PCDH11X: variants seen among roughly 807,000 people sequenced by gnomAD.
PCDH11X encodes the protein protocadherin-11 X-linked.
PCDH11X carries 18 observed loss-of-function variants against 53.3 expected under a neutral mutation model. The ratio of observed to expected loss-of-function variants is 0.34; its 90% CI spans 0.23 to 0.50. The LOEUF (loss-of-function observed/expected upper bound fraction) is 0.50. Among genes scored for constraint, PCDH11X ranks in the 20% least tolerant of loss-of-function variants. PCDH11X has a pLI of 0.98. For synonymous variants in PCDH11X, 279 were observed against 393.3 expected (o/e 0.71, Z 3.44); for missense variants, 570 against 1,032.4 (o/e 0.55, Z 6.14).
At chrX:92,159,140 CTT>C (rs1394016773) in intron 6 of PCDH11X, among the ~76,000 whole-genome samples, 4 of 110,819 alleles carry the variant, frequency 3.6e-5, no homozygotes, top group African/African-American at 1.3e-4. Context: ...AGTAAAGAAA[CTT>C]TAGCAGGAAT....
chrX:92,181,039 C>G (rs1284267219), intron 6 of PCDH11X, among the ~76,000 whole-genome samples: 1 of 110,912 alleles, frequency 9.0e-6, no homozygotes, highest in Non-Finnish European at 1.9e-5. Flanking sequence ...TTGGAGGGCT[C>G]AGAAGAAGAC....
intron 1 of PCDH11X, among the ~76,000 whole-genome samples, chrX:91,791,857 ATTTTTTTTTTTTT>A (rs755996100): frequency 1.2e-5 from 1 of 83,182 alleles, no homozygotes; most frequent in Non-Finnish European, 2.2e-5. Flanking sequence ...CGATCAGTAC[ATTTTTTTTTTTTT>A]TTTTTTTTTG....
intron 10 of PCDH11X, among the ~76,000 whole-genome samples, chrX:92,505,405 A>G (rs5942265): frequency 0.35 from 37,736 of 108,517 alleles, 5,425 homozygotes; most frequent in Non-Finnish European, 0.44. Flanking sequence ...TCCTGTTTCA[A>G]TCTTCTGGAT....
intron 6 of PCDH11X, among the ~76,000 whole-genome samples, chrX:91,911,268 C>A (rs952480395): frequency 9.2e-6 from 1 of 108,914 alleles, no homozygotes; most frequent in South Asian, 4.1e-4. Flanking sequence ...TAGTTCTATT[C>A]CCCTGTTATT....
intron 10 of PCDH11X, among the ~76,000 whole-genome samples, chrX:92,558,513 A>G (rs2075082545): frequency 9.0e-6 from 1 of 111,562 alleles, no homozygotes. Flanking sequence ...TTGAAGTTCT[A>G]TATGGAAACA....
At position 92,175,029 on chromosome X, in the gene PCDH11X, G is replaced by A. The variant is rs891251166; in HGVS notation, c.3034-26346G>A. ...TCACTCTTGTTGCCCAGGTTTGAGTGCAGTGGCGCCATCTTGGCTCGCCAC... is the reference window on the plus strand; with the variant it reads ...TCACTCTTGTTGCCCAGGTTTGAGTACAGTGGCGCCATCTTGGCTCGCCAC... On this transcript the variant is annotated intron_variant, in intron 6 of 10. Coordinates refer to ENST00000682573, the MANE Select transcript of PCDH11X (RefSeq NM_032968.5). 3.6e-5 allele frequency among the ~76,000 whole-genome samples: 4 copies of A among 110,239 alleles called. 1 individual carries two copies. Among genetic ancestry groups the A allele is most frequent in the African/African-American group, 1.3e-4 (4 of 30,253 alleles).
intron 6 of PCDH11X, among the ~76,000 whole-genome samples, chrX:91,972,880 C>G (rs35371098): frequency 2.7e-5 from 3 of 111,075 alleles, no homozygotes; most frequent in Non-Finnish European, 3.8e-5. Flanking sequence ...GTCAGTGTGG[C>G]GATTCCTCAT....
At chrX:92,415,411 C>G (rs1341054584) in intron 9 of PCDH11X, among the ~76,000 whole-genome samples, 2 of 111,772 alleles carry the variant, frequency 1.8e-5, no homozygotes, top group Non-Finnish European at 3.8e-5. Flanking sequence ...CATTGACTAA[C>G]AAAGAATGTA....
intron 10 of PCDH11X, among the ~76,000 whole-genome samples, chrX:92,534,814 G>A (rs1291655488): frequency 1.3e-4 from 15 of 111,546 alleles, no homozygotes; most frequent in Non-Finnish European, 2.4e-4. Context: ...AGCTTCATAA[G>A]TGAAGGAGAA....
At chrX:91,789,200 CAAAAAA>C (rs764959497) in intron 1 of PCDH11X, among the ~76,000 whole-genome samples, 1,319 of 47,103 alleles carry the variant, frequency 0.028, 14 homozygotes, top group South Asian at 0.082. Context: ...GACTCCGTCT[CAAAAAA>C]AAAAAAAAAA....
At chrX:92,340,388 C>T (rs1349752109) in intron 8 of PCDH11X, among the ~76,000 whole-genome samples, 1 of 112,105 alleles carries the variant, frequency 8.9e-6, no homozygotes, top group Non-Finnish European at 1.9e-5. Context: ...CATTTCTCCT[C>T]TGCACTGTTC....
chrX:92,275,708 AT>A (rs1569451385), intron 8 of PCDH11X, among the ~76,000 whole-genome samples: 1 of 111,745 alleles, frequency 8.9e-6, no homozygotes, highest in Non-Finnish European at 1.9e-5. Flanking sequence ...GACAGGTAAA[AT>A]GGGGGAATGG....
intron 6 of PCDH11X, among the ~76,000 whole-genome samples, chrX:92,152,422 T>A (rs1445734323): frequency 8.9e-6 from 1 of 111,913 alleles, no homozygotes; most frequent in Non-Finnish European, 1.9e-5. Context: ...TTAAATCAAA[T>A]GTATATTTTC....
chrX:92,204,458 C>G (rs772487700), intron 7 of PCDH11X, among the ~76,000 whole-genome samples: 1 of 111,930 alleles, frequency 8.9e-6, no homozygotes, highest in African/African-American at 3.2e-5. Context: ...TAAAACATAG[C>G]AAGAGTGACC....
At chrX:92,504,245 C>T (rs953896121) in intron 10 of PCDH11X, among the ~76,000 whole-genome samples, 14 of 106,693 alleles carry the variant, frequency 1.3e-4, no homozygotes, top group African/African-American at 4.4e-4. Context: ...GATAGTTTTT[C>T]GATCCTCACT....
intron 8 of PCDH11X, among the ~76,000 whole-genome samples, chrX:92,383,262 G>A (rs1409133863): frequency 1.9e-5 from 2 of 107,760 alleles, no homozygotes; most frequent in African/African-American, 3.4e-5. Flanking sequence ...TCAGTTTAAT[G>A]GTTATAAGAG....
chrX:92,451,923 A>C (rs1016217019), intron 9 of PCDH11X, among the ~76,000 whole-genome samples: 2 of 108,907 alleles, frequency 1.8e-5, no homozygotes, highest in African/African-American at 6.7e-5. Context: ...ATGGGTATTA[A>C]AGTTTCATCT....
At chrX:91,785,211 T>TC (rs1356410832) in intron 1 of PCDH11X, among the ~76,000 whole-genome samples, 46 of 101,697 alleles carry the variant, frequency 4.5e-4, no homozygotes, top group Middle Eastern at 4.8e-3. Context: ...TATTCCCTCC[T>TC]CCCCCCCTCC....
intron 9 of PCDH11X, chrX:92,459,721 G>C: frequency 9.0e-7 from 1 of 1,109,507 alleles, no homozygotes; most frequent in Non-Finnish European, 1.2e-6. Flanking sequence ...ACTGGGCTCT[G>C]TCCAGGCGCC....
Sources: allele counts gnomAD v4.1 joint callset (sites outside exome capture counted in the v4.1 genomes callset), GRCh38; gene constraint gnomAD v4.1.1; transcripts MANE v1.5; gene names NCBI Gene and HGNC (gene_info 2026-07-23, HGNC 2026-07-21).